The following SLC1A1 variants were observed in gnomAD, a reference collection of about 807,000 sequenced individuals.
SLC1A1 encodes solute carrier family 1 member 1, also known as excitatory amino acid transporter 3.
SLC1A1 carries 43 observed loss-of-function variants against 53.3 expected under a neutral mutation model. The ratio of observed to expected loss-of-function variants is 0.81; its 90% CI spans 0.63 to 1.04. SLC1A1 has a LOEUF of 1.04. Among genes scored for constraint, SLC1A1 ranks in the 50% least tolerant of loss-of-function variants. The probability of loss-of-function intolerance (pLI) is 0.00; values close to 1 mark genes in which losing one functional copy is unlikely to be tolerated. For synonymous variants in SLC1A1, 307 were observed against 243.2 expected (o/e 1.26, Z -2.44); for missense variants, 748 against 664.9 (o/e 1.12, Z -1.37).
chr9:4,553,232 C>G (rs912765413), intron 2 of SLC1A1, among the ~76,000 whole-genome samples: 1 of 152,046 alleles, frequency 6.6e-6, no homozygotes, highest in African/African-American at 2.4e-5. Context: ...ACAATAAGTT[C>G]AGGGAGTCAA....
At chr9:4,525,903 T>C (rs539488350) in intron 1 of SLC1A1, among the ~76,000 whole-genome samples, 2 of 152,232 alleles carry the variant, frequency 1.3e-5, no homozygotes, top group South Asian at 2.1e-4. Flanking sequence ...AATCACAACA[T>C]AGATTTATAA....
rs1820567800 is a variant in SLC1A1, at chr9:4,576,593, C to A, written c.1023C>A (p.Phe341Leu). ...SSSSATLPVT[F>L]RCAEENNQVD... Reference sequence around the variant, plus strand: ...GTTCAGCAACACTGCCTGTCACCTTCCGCTGTGCTGAAGAAAATAACCAGG... The same window carrying A: ...GTTCAGCAACACTGCCTGTCACCTTACGCTGTGCTGAAGAAAATAACCAGG... The change falls in exon 10 of 12, where the codon TTC becomes TTA. Residue 341 changes from phenylalanine to leucine, a missense_variant. By Grantham distance (22) the Phe-to-Leu change is conservative. Coordinates refer to ENST00000262352, the MANE Select transcript of SLC1A1 (RefSeq NM_004170.6). 6.2e-7 allele frequency: 1 copy of A among 1,614,088 alleles called. No individual in the cohort carries two copies. The highest frequency in any genetic ancestry group is 8.5e-7 in the Non-Finnish European group (1 of 1,180,024).
intron 1 of SLC1A1, among the ~76,000 whole-genome samples, chr9:4,503,590 T>A (rs1187469343): frequency 2.0e-5 from 3 of 151,824 alleles, no homozygotes; most frequent in African/African-American, 4.9e-5. Context: ...TTTCTGGGCT[T>A]GAAGACTGGA....
At chr9:4,554,150 T>G in intron 2 of SLC1A1, 1 of 152,208 alleles carries the variant, frequency 6.6e-6, no homozygotes, top group East Asian at 1.9e-4. Flanking sequence ...TTAAGCCACT[T>G]TTTCAAGATC....
rs1446771034 is a variant in SLC1A1, at chr9:4,564,365, T to A, written c.347T>A (p.Ile116Asn). Reference protein sequence around the residue: ...VILGIVLVVSIKPGVTQKVGE... With the variant: ...VILGIVLVVSNKPGVTQKVGE... The stretch of plus-strand genomic sequence containing the variant: ...ACAGGTATTGTGCTGGTGGTGAGCA[T>A]CAAGCCTGGTGTCACCCAGAAAGTG... Residue 116 changes from isoleucine (I) to asparagine (N), a missense_variant, in exon 4 of 12, where the codon ATC (isoleucine) becomes AAC (asparagine). By Grantham distance (149) the Ile-to-Asn change is moderately radical. Coordinates refer to ENST00000262352, the MANE Select transcript of SLC1A1 (RefSeq NM_004170.6). The A allele has an allele frequency of 3.1e-6, 5 of 1,613,460 alleles. No individual in the cohort carries two copies. The highest frequency in any genetic ancestry group is 4.5e-5 in the East Asian group (2 of 44,874).
At chr9:4,523,424 G>A (rs1021816924) in intron 1 of SLC1A1, among the ~76,000 whole-genome samples, 1 of 151,666 alleles carries the variant, frequency 6.6e-6, no homozygotes, top group Non-Finnish European at 1.5e-5. Flanking sequence ...TTGATATCAA[G>A]TGGTATAAAT....
At chr9:4,553,570 T>G (rs890327169) in intron 2 of SLC1A1, 1 of 152,268 alleles carries the variant, frequency 6.6e-6, no homozygotes, top group Non-Finnish European at 1.5e-5. Flanking sequence ...TTACACCATG[T>G]TGGCCAGGCT....
intron 1 of SLC1A1, among the ~76,000 whole-genome samples, chr9:4,507,199 C>T (rs936244914): frequency 1.3e-5 from 2 of 151,850 alleles, no homozygotes; most frequent in Non-Finnish European, 2.9e-5. Context: ...GGCGCCACTG[C>T]ACTCCAGCCT....
At chr9:4,497,759 A>C (rs986727425) in intron 1 of SLC1A1, among the ~76,000 whole-genome samples, 1 of 152,186 alleles carries the variant, frequency 6.6e-6, no homozygotes, top group Non-Finnish European at 1.5e-5. Flanking sequence ...ACAGGCACTA[A>C]AAAATAAAAT....
chr9:4,552,955 T>G (rs1564030078), intron 2 of SLC1A1, among the ~76,000 whole-genome samples: 1 of 151,828 alleles, frequency 6.6e-6, no homozygotes, highest in Non-Finnish European at 1.5e-5. Flanking sequence ...ATTCTGGAAA[T>G]GAGAACAATA....
At chr9:4,567,617 T>A in intron 5 of SLC1A1, 52 bp from the exon 6 acceptor site, 1 of 1,215,588 alleles carries the variant, frequency 8.2e-7, no homozygotes, top group Non-Finnish European at 1.2e-6. Flanking sequence ...CTCAAAAGCT[T>A]AAAAAAAATT....
chr9:4,587,242 AT>A lies in SLC1A1; in HGVS notation c.*1685del, dbSNP rs1343846703. ...CAAATATTGCTATTGTTTATAGGAA[AT>A]AAATCTAAATATAAATGAAATTGAA... On this transcript the variant is annotated 3_prime_UTR_variant, in exon 12 of 12. Coordinates refer to ENST00000262352, the MANE Select transcript of SLC1A1 (RefSeq NM_004170.6). 6.6e-6 allele frequency: 1 copy of A among 152,346 alleles called. No individual in the cohort carries two copies. Among genetic ancestry groups the A allele is most frequent in the Non-Finnish European group, 1.5e-5 (1 of 68,044 alleles). 9.4% of individuals were successfully genotyped at this position (152,346 alleles called of 1,614,324 possible).
At chr9:4,576,170 A>G in intron 9 of SLC1A1, 47 bp downstream of exon 9, 2 of 1,585,498 alleles carry the variant, frequency 1.3e-6, no homozygotes, top group Non-Finnish European at 1.7e-6. Flanking sequence ...GCTCAACGTT[A>G]TCAACTCTCA....
At chr9:4,524,241 G>A (rs539056902) in intron 1 of SLC1A1, among the ~76,000 whole-genome samples, 9 of 152,286 alleles carry the variant, frequency 5.9e-5, no homozygotes, top group African/African-American at 2.2e-4. Context: ...AATATTTACT[G>A]ACTCCATTAT....
chr9:4,525,914 G>A (rs1816241084), intron 1 of SLC1A1, among the ~76,000 whole-genome samples: 2 of 152,034 alleles, frequency 1.3e-5, no homozygotes, highest in Non-Finnish European at 2.9e-5. Context: ...AGATTTATAA[G>A]ATATTTAGAA....
chr9:4,540,366 G>T (rs1816902088), intron 1 of SLC1A1, among the ~76,000 whole-genome samples: 1 of 152,096 alleles, frequency 6.6e-6, no homozygotes, highest in African/African-American at 2.4e-5. Context: ...AAGAGCTCGG[G>T]TGCCATGGGT....
At chr9:4,581,100 T>C (rs891347525) in intron 10 of SLC1A1, among the ~76,000 whole-genome samples, 6 of 152,162 alleles carry the variant, frequency 3.9e-5, no homozygotes, top group African/African-American at 1.2e-4. Flanking sequence ...AGGCAAGGAA[T>C]TGAGATTCAG....
At chr9:4,558,930 A>G (rs1487276764) in intron 2 of SLC1A1, among the ~76,000 whole-genome samples, 3 of 152,216 alleles carry the variant, frequency 2.0e-5, no homozygotes, top group Non-Finnish European at 4.4e-5. Context: ...TAACCTATGC[A>G]TCTTAGAAAT....
chr9:4,548,413 T>A (rs1029328651), intron 2 of SLC1A1, among the ~76,000 whole-genome samples: 2 of 152,052 alleles, frequency 1.3e-5, no homozygotes, highest in Admixed American at 1.3e-4. Context: ...CCCCTAAGGA[T>A]ACGTAAATTA....
Sources: allele counts gnomAD v4.1 joint callset (sites outside exome capture counted in the v4.1 genomes callset), GRCh38; gene constraint gnomAD v4.1.1; transcripts MANE v1.5; gene names NCBI Gene and HGNC (gene_info 2026-07-23, HGNC 2026-07-21).